Variants in DYTN observed in about 807,000 individuals in gnomAD.
DYTN encodes the protein dystrotelin.
In DYTN, 75 loss-of-function variants were observed where a neutral mutation model predicts 69.6. That is an observed-to-expected ratio of 1.08 (90% CI 0.89 to 1.31). DYTN has a LOEUF of 1.31. Among genes scored for constraint, DYTN ranks in the 50% most tolerant of loss-of-function variants. DYTN has a pLI of 0.00. For missense variants in DYTN, 726 were observed against 688.4 expected, an observed-to-expected ratio of 1.05 and a Z score of -0.61; for synonymous variants, 252 against 249.1, an observed-to-expected ratio of 1.01 and a Z score of -0.11.
chr2:206,707,561 A>G (rs1340947464), intron 2 of DYTN, 58 bp from the exon 3 acceptor site: 7 of 1,491,260 alleles, frequency 4.7e-6, no homozygotes, highest in Middle Eastern at 1.7e-4. Context: ...AAAGGCTTCA[A>G]ATAAAGCAAA....
rs187210402 is a variant in DYTN at position 206,676,117 on chromosome 2, A to G, written c.981-10088T>C. Among the ~76,000 whole-genome samples the G allele has an allele frequency of 5.9e-3, 899 of 152,320 alleles. 7 individuals carry two copies. Among genetic ancestry groups the G allele is most frequent in the Non-Finnish European group, 7.4e-3 (503 of 68,034 alleles). ...GATTATAAATCATTCTACTATAAAGACACCTGCACACATAGGTTTAATGCA... is the reference window on the plus strand; with the variant it reads ...GATTATAAATCATTCTACTATAAAGGCACCTGCACACATAGGTTTAATGCA... On this transcript the variant is annotated intron_variant, in intron 9 of 11. Transcript: ENST00000452335.
intron 5 of DYTN, chr2:206,701,293 A>G (rs551748381): frequency 1.3e-5 from 2 of 152,332 alleles, no homozygotes; most frequent in East Asian, 3.9e-4. Flanking sequence ...TTAAACAAGC[A>G]AGGGATGAAA....
At chr2:206,686,124 T>C (rs1699803023) in intron 9 of DYTN, among the ~76,000 whole-genome samples, 1 of 152,116 alleles carries the variant, frequency 6.6e-6, no homozygotes, top group Admixed American at 6.6e-5. Context: ...CTTTCATTAT[T>C]AGCGAGTCAG....
chr2:206,698,227 T>G (rs555003127), intron 7 of DYTN, among the ~76,000 whole-genome samples: 1 of 152,336 alleles, frequency 6.6e-6, no homozygotes, highest in African/African-American at 2.4e-5. Flanking sequence ...TATGTTTTAT[T>G]GTTTAAAGTT....
intron 1 of DYTN, among the ~76,000 whole-genome samples, chr2:206,713,941 G>A (rs1429234118): frequency 6.6e-6 from 1 of 152,210 alleles, no homozygotes; most frequent in Non-Finnish European, 1.5e-5. Flanking sequence ...GGAGTTTTGT[G>A]ACTAGAAACA....
chr2:206,704,723 A>C, intron 5 of DYTN, 120 bp downstream of exon 5: 1 of 796,968 alleles, frequency 1.3e-6, no homozygotes, highest in Non-Finnish European at 2.0e-6. Context: ...TATGGAGGAG[A>C]GAGCTTGCAT....
intron 9 of DYTN, among the ~76,000 whole-genome samples, chr2:206,683,276 G>T (rs1174031650): frequency 6.7e-6 from 1 of 150,314 alleles, no homozygotes; most frequent in Admixed American, 6.6e-5. Context: ...CAGAGTAAAA[G>T]CCCAGGTCCT....
chr2:206,708,804 A>G (rs1700051015), intron 2 of DYTN, among the ~76,000 whole-genome samples: 1 of 152,136 alleles, frequency 6.6e-6, no homozygotes, highest in Non-Finnish European at 1.5e-5. Context: ...TCTAGGTAAC[A>G]TTTTTCAACC....
chr2:206,712,495 C>T (rs1451965331), intron 1 of DYTN, among the ~76,000 whole-genome samples: 1 of 152,074 alleles, frequency 6.6e-6, no homozygotes, highest in Non-Finnish European at 1.5e-5. Flanking sequence ...ACAAGAGAGC[C>T]ACAGCTAGAA....
chr2:206,687,172 A>C (rs902125766), intron 9 of DYTN: 1 of 156,272 alleles, frequency 6.4e-6, no homozygotes, highest in Non-Finnish European at 1.5e-5. Flanking sequence ...GGATAGGTTT[A>C]ATGGAATTAT....
intron 9 of DYTN, among the ~76,000 whole-genome samples, chr2:206,688,130 A>G (rs1459687625): frequency 6.6e-6 from 1 of 152,172 alleles, no homozygotes; most frequent in Non-Finnish European, 1.5e-5. Context: ...CATTGTTCCT[A>G]GAGAAAATAC....
intron 3 of DYTN, among the ~76,000 whole-genome samples, chr2:206,706,613 T>C (rs1218548842): frequency 6.6e-6 from 1 of 152,172 alleles, no homozygotes; most frequent in East Asian, 1.9e-4. Flanking sequence ...TTCTTTACTT[T>C]TTTCGTCTAC....
chr2:206,675,512 A>T (rs767694471), intron 9 of DYTN, among the ~76,000 whole-genome samples: 2 of 151,892 alleles, frequency 1.3e-5, no homozygotes, highest in Non-Finnish European at 2.9e-5. Flanking sequence ...TACAGTGGGA[A>T]AAGCCCCTAC....
chr2:206,666,026 G>C lies in DYTN; in HGVS notation c.984C>G (p.Leu328=). ...KGVPHHAQAR[L]LKKQLNQYKD... ...TGTATTGGTTTAACTGTTTTTTAAG[G>C]AGCCTGAAAAGAGAACAGATTTGAG... The change falls in exon 10 of 12, where the codon CTC becomes CTG. Residue 328 remains leucine, a synonymous_variant. Transcript: ENST00000452335. 1 of 1,613,524 alleles carries C rather than the reference G, an allele frequency of 6.2e-7. No individual in the cohort carries two copies. Among genetic ancestry groups the C allele is most frequent in the Non-Finnish European group, 8.5e-7 (1 of 1,179,686 alleles).
At chr2:206,695,004 T>A in intron 7 of DYTN, 127 bp from the exon 8 acceptor site, 1 of 613,614 alleles carries the variant, frequency 1.6e-6, no homozygotes, top group Non-Finnish European at 2.7e-6. Flanking sequence ...CAAATCAGTG[T>A]AAAGTTTCTC....
intron 8 of DYTN, among the ~76,000 whole-genome samples, chr2:206,693,819 C>G (rs1382965405): frequency 3.3e-5 from 5 of 152,204 alleles, no homozygotes; most frequent in Non-Finnish European, 7.3e-5. Flanking sequence ...TCAAGGGTTT[C>G]AGCACTTGAA....
intron 2 of DYTN, 147 bp downstream of exon 2, chr2:206,710,377 T>A: frequency 1.5e-6 from 1 of 665,270 alleles, no homozygotes; most frequent in East Asian, 3.2e-5. Flanking sequence ...CTCCATCTTC[T>A]CTGTCACGAA....
At chr2:206,698,357 A>T (rs191248498) in intron 7 of DYTN, among the ~76,000 whole-genome samples, 2 of 152,328 alleles carry the variant, frequency 1.3e-5, no homozygotes, top group Admixed American at 1.3e-4. Context: ...TGTACCAAGC[A>T]GACCTATTTT....
At chr2:206,715,530 C>T (rs1404262557) in intron 1 of DYTN, among the ~76,000 whole-genome samples, 2 of 152,152 alleles carry the variant, frequency 1.3e-5, no homozygotes, top group African/African-American at 4.8e-5. Context: ...ATCTTTCTTT[C>T]AGCTTTGGGA....
Sources: allele counts gnomAD v4.1 joint callset (sites outside exome capture counted in the v4.1 genomes callset), GRCh38; gene constraint gnomAD v4.1.1; transcripts MANE v1.5; gene names NCBI Gene and HGNC (gene_info 2026-07-23, HGNC 2026-07-21).